Variants in ZAP70 observed in about 807,000 individuals in gnomAD.
ZAP70 encodes the protein tyrosine-protein kinase ZAP-70.
In ZAP70, 27 loss-of-function variants were observed where a neutral mutation model predicts 65.8. The observed-to-expected ratio is 0.41, with a 90% CI of 0.30 to 0.57. The LOEUF is 0.57. Ranked by LOEUF, ZAP70 falls within the 20% of genes least tolerant of loss-of-function variation. The pLI is 0.28. For missense variants in ZAP70, 696 were observed against 870.5 expected (o/e 0.80, Z 2.52); for synonymous variants, 363 against 360.8 (o/e 1.01, Z -0.07).
chr2:97,726,898 C>T (rs1677408185), intron 4 of ZAP70, among the ~76,000 whole-genome samples: 1 of 152,228 alleles, frequency 6.6e-6, no homozygotes. Context: ...TTTATTGGCT[C>T]AAAATGACAG....
At chr2:97,752,806 C>T in the ZAP70 span, among the ~76,000 whole-genome samples, 1 of 152,130 alleles carries the variant, frequency 6.6e-6, no homozygotes. Context: ...TTTTTTCCAA[C>T]CTGCCCATGT....
At chr2:97,750,339 T>C in the ZAP70 span, among the ~76,000 whole-genome samples, 1 of 152,138 alleles carries the variant, frequency 6.6e-6, no homozygotes, top group Non-Finnish European at 1.5e-5. Flanking sequence ...AAGTAGCAAT[T>C]GTAGGATGTG....
At chr2:97,734,809 C>T (rs183141396) in intron 9 of ZAP70, 97 bp downstream of exon 9, 3 of 1,507,892 alleles carry the variant, frequency 2.0e-6, no homozygotes, top group Non-Finnish European at 2.7e-6. Flanking sequence ...GTCTGTCTCA[C>T]AGCAGTTTGC....
At chr2:97,748,503 C>T in the ZAP70 span, among the ~76,000 whole-genome samples, 2 of 152,286 alleles carry the variant, frequency 1.3e-5, no homozygotes, top group Non-Finnish European at 2.9e-5. Flanking sequence ...CTGCCATGGG[C>T]TGGGCTAGTG....
rs139197078 is a variant in ZAP70 at position 97,715,619 on chromosome 2, G to T, written c.-22+1625G>T. ...CCCCGCACCAGCCCAGCTCTCCAGG[G>T]TCTCCTAATAGACATTTGCTGGAGT... On this transcript the variant is annotated intron_variant, in intron 2 of 13. Transcript: ENST00000264972. The surrounding 1 kb of genome is among the most constrained non-coding windows in gnomAD (Gnocchi z 4.1). Among the ~76,000 whole-genome samples, 2 of 152,168 alleles carry T rather than the reference G, an allele frequency of 1.3e-5. No homozygotes were observed. Among genetic ancestry groups the T allele is most frequent in the Non-Finnish European group, 2.9e-5 (2 of 68,046 alleles).
At chr2:97,754,045 G>A in the ZAP70 span, among the ~76,000 whole-genome samples, 2 of 152,146 alleles carry the variant, frequency 1.3e-5, no homozygotes, top group South Asian at 2.1e-4. Flanking sequence ...TATACAACCT[G>A]TAATTTTAAA....
At chr2:97,732,487 T>C (rs1290447119) in intron 4 of ZAP70, among the ~76,000 whole-genome samples, 2 of 152,218 alleles carry the variant, frequency 1.3e-5, no homozygotes, top group Admixed American at 6.5e-5. Context: ...TGTGGATGAC[T>C]ATCTCTCTGT....
In ZAP70 at chr2:97,733,230, G is replaced by A. The variant is rs200358194; in HGVS notation, c.790+18G>A. The A allele has an allele frequency of 1.4e-5, 22 of 1,611,352 alleles. No individual in the cohort carries two copies. Among genetic ancestry groups the A allele is most frequent in the Non-Finnish European group, 1.8e-5 (21 of 1,178,956 alleles). On this transcript the variant is annotated intron_variant, in intron 6 of 13. Transcript: ENST00000264972. The stretch of plus-strand genomic sequence containing the variant: ...CGCCTCAGGTGACGGCAGCAGGCGG[G>A]CGGGCGGTGGGCGGGGGCGGCAGGA...
intron 2 of ZAP70, among the ~76,000 whole-genome samples, chr2:97,717,209 G>A (rs1296828130): frequency 1.3e-5 from 2 of 150,392 alleles, no homozygotes; most frequent in African/African-American, 4.9e-5. Flanking sequence ...AGGACTAGGG[G>A]TTCAGAGAGA....
the ZAP70 span, among the ~76,000 whole-genome samples, chr2:97,746,176 A>G: frequency 5.3e-5 from 8 of 152,374 alleles, no homozygotes; most frequent in South Asian, 1.7e-3. Context: ...GGAGTAGGCA[A>G]TGAGGAATCA....
At chr2:97,745,476 A>C in the ZAP70 span, among the ~76,000 whole-genome samples, 3 of 152,378 alleles carry the variant, frequency 2.0e-5, no homozygotes, top group Admixed American at 6.5e-5. Flanking sequence ...CCAACAACAA[A>C]AAAATATCCA....
chr2:97,740,627 C>CA (rs776355121), downstream of ZAP70, among the ~76,000 whole-genome samples: 44 of 152,268 alleles, frequency 2.9e-4, no homozygotes, highest in Non-Finnish European at 5.4e-4. Flanking sequence ...CTAACAGACC[C>CA]ACCAGAGATG....
Position 97,739,366 on chromosome 2 carries a change from G to A in ZAP70, c.1737-9G>A, listed in dbSNP as rs201189274. On this transcript the variant is annotated splice_polypyrimidine_tract_variant and intron_variant, in intron 13 of 13. Coordinates refer to ENST00000264972, the MANE Select transcript of ZAP70 (RefSeq NM_001079.4). ...GGTCAGCAGCCTGGATGTACCCCACGCCCCACAGGTGGGAGGATCGCCCCG... is the reference window on the plus strand; with the variant it reads ...GGTCAGCAGCCTGGATGTACCCCACACCCCACAGGTGGGAGGATCGCCCCG... 3.3e-5 allele frequency: 54 copies of A among 1,613,182 alleles called. No individual in the cohort carries two copies. The Admixed American group carries it at 4.5e-4, about 13-fold the overall frequency.
intron 2 of ZAP70, among the ~76,000 whole-genome samples, chr2:97,718,253 G>A (rs1274670357): frequency 6.6e-6 from 1 of 152,186 alleles, no homozygotes; most frequent in Admixed American, 6.5e-5. Flanking sequence ...AGAAACATTT[G>A]ATCCCCTGCC....
chr2:97,725,889 C>T (rs967630354), intron 4 of ZAP70, among the ~76,000 whole-genome samples: 11 of 152,024 alleles, frequency 7.2e-5, no homozygotes, highest in Non-Finnish European at 8.8e-5. Flanking sequence ...GTCTATTTGG[C>T]GTGTTCCAGA....
intron 4 of ZAP70, among the ~76,000 whole-genome samples, chr2:97,728,622 T>A (rs1677483156): frequency 6.6e-6 from 1 of 152,220 alleles, no homozygotes; most frequent in African/African-American, 2.4e-5. Flanking sequence ...AAGAACAGAT[T>A]TAATTGTACC....
At chr2:97,745,530 A>T in the ZAP70 span, among the ~76,000 whole-genome samples, 1 of 152,252 alleles carries the variant, frequency 6.6e-6, no homozygotes, top group South Asian at 2.1e-4. Flanking sequence ...ATTTCTCCAC[A>T]GATGCTATAC....
chr2:97,716,783 G>A (rs139471844), intron 2 of ZAP70, among the ~76,000 whole-genome samples: 178 of 152,218 alleles, frequency 1.2e-3, no homozygotes, highest in African/African-American at 4.0e-3. Context: ...TTTTCACCCC[G>A]AGTGAGGTGG....
At chr2:97,714,712 C>A (rs1327590667) in intron 2 of ZAP70, among the ~76,000 whole-genome samples, 1 of 152,194 alleles carries the variant, frequency 6.6e-6, no homozygotes, top group Non-Finnish European at 1.5e-5. Context: ...TTGGTTGGAA[C>A]AGTAGGCAGA....
Sources: gnomAD v4.1 joint callset for allele counts (sites outside exome capture counted in the v4.1 genomes callset) on GRCh38, gnomAD v4.1.1 for gene constraint, Gnocchi (gnomAD v3.1) non-coding constraint, MANE v1.5 for transcripts, NCBI Gene and HGNC (gene_info 2026-07-23, HGNC 2026-07-21) for gene names.